Variants in KCNH7 observed in about 807,000 individuals in gnomAD.
KCNH7 encodes voltage-gated inwardly rectifying potassium channel KCNH7.
KCNH7 carries 49 observed loss-of-function variants against 120.8 expected under a neutral mutation model. The ratio of observed to expected loss-of-function variants is 0.41; its 90% CI spans 0.32 to 0.51. The LOEUF (loss-of-function observed/expected upper bound fraction) is 0.51, where lower values mean the gene tolerates loss of function less well. Ranked by LOEUF, KCNH7 falls within the 20% of genes least tolerant of loss-of-function variation. KCNH7 has a pLI of 0.38. For synonymous variants in KCNH7, 547 were observed against 516.1 expected (o/e 1.06, Z -0.81); for missense variants, 1,097 against 1,446.6 (o/e 0.76, Z 3.92).
At position 162,735,296 on chromosome 2, in the gene KCNH7, C is replaced by G. The variant is rs985548896; in HGVS notation, c.307+101241G>C. On this transcript the variant is annotated intron_variant, in intron 2 of 15. Transcript: ENST00000332142. ...AACTCTGAGGCAAAGGAAATTGAACCCTCTCCTTGTTCGGAGAGTGAAGCC... is the reference window on the plus strand; with the variant it reads ...AACTCTGAGGCAAAGGAAATTGAACGCTCTCCTTGTTCGGAGAGTGAAGCC... Among the ~76,000 whole-genome samples, 5 of 152,106 alleles carry G rather than the reference C, an allele frequency of 3.3e-5. 1 individual carries two copies. Among genetic ancestry groups the G allele is most frequent in the Middle Eastern group, 6.4e-3 (2 of 314 alleles).
chr2:162,621,856 A>G (rs1683374311), intron 2 of KCNH7, among the ~76,000 whole-genome samples: 1 of 152,194 alleles, frequency 6.6e-6, no homozygotes, highest in Non-Finnish European at 1.5e-5. Context: ...ATCTGTTTGC[A>G]TGATTCTCTG....
chr2:162,422,810 A>C (rs955149747), intron 9 of KCNH7, among the ~76,000 whole-genome samples: 5 of 152,126 alleles, frequency 3.3e-5, no homozygotes, highest in Non-Finnish European at 5.9e-5. Context: ...AGATTGTTTA[A>C]AATATAGAAA....
At chr2:162,626,309 CACA>C (rs1287789689) in intron 2 of KCNH7, among the ~76,000 whole-genome samples, 1 of 152,012 alleles carries the variant, frequency 6.6e-6, no homozygotes. Context: ...CTTATGTAAA[CACA>C]ACATCTTATA....
intron 2 of KCNH7, among the ~76,000 whole-genome samples, chr2:162,759,177 T>C (rs1392193964): frequency 1.3e-5 from 2 of 151,826 alleles, no homozygotes; most frequent in Non-Finnish European, 2.9e-5. Flanking sequence ...TTAACTGTAC[T>C]CTACGTAAAG....
intron 2 of KCNH7, among the ~76,000 whole-genome samples, chr2:162,577,327 ATCTG>A (rs10543608): frequency 0.089 from 12,168 of 137,334 alleles, 561 homozygotes; most frequent in Middle Eastern, 0.16. Context: ...CTATCTATCT[ATCTG>A]TCTATCATCT....
At chr2:162,674,883 A>G (rs577188481) in intron 2 of KCNH7, among the ~76,000 whole-genome samples, 1 of 151,824 alleles carries the variant, frequency 6.6e-6, no homozygotes, top group African/African-American at 2.4e-5. Flanking sequence ...TATCTTTATG[A>G]CCTTGCAATA....
chr2:162,514,651 G>T (rs1691219697), intron 4 of KCNH7, among the ~76,000 whole-genome samples: 1 of 151,292 alleles, frequency 6.6e-6, no homozygotes, highest in African/African-American at 2.4e-5. Flanking sequence ...AAACAATTGG[G>T]GTTTATATTT....
chr2:162,506,463 T>A (rs918249629), intron 5 of KCNH7, among the ~76,000 whole-genome samples: 1 of 151,862 alleles, frequency 6.6e-6, no homozygotes, highest in Non-Finnish European at 1.5e-5. Flanking sequence ...GATTTCAGAT[T>A]TCTTAGATAT....
intron 9 of KCNH7, among the ~76,000 whole-genome samples, chr2:162,422,604 A>G (rs1431313454): frequency 6.6e-6 from 1 of 152,150 alleles, no homozygotes; most frequent in South Asian, 2.1e-4. Context: ...TCTCCTAATA[A>G]TAAAAAGAGG....
At chr2:162,564,141 A>T (rs1379361144) in intron 2 of KCNH7, among the ~76,000 whole-genome samples, 1 of 152,086 alleles carries the variant, frequency 6.6e-6, no homozygotes, top group Non-Finnish European at 1.5e-5. Flanking sequence ...TATTTTTTTA[A>T]GTCACTGAAT....
intron 2 of KCNH7, among the ~76,000 whole-genome samples, chr2:162,767,574 C>T (rs1195267511): frequency 2.0e-5 from 3 of 151,948 alleles, no homozygotes; most frequent in East Asian, 1.9e-4. Flanking sequence ...AGTATACATC[C>T]GTTTTTTCCC....
intron 2 of KCNH7, chr2:162,538,090 T>C (rs1485713031): frequency 6.6e-6 from 1 of 152,096 alleles, no homozygotes; most frequent in Non-Finnish European, 1.5e-5. Context: ...ATGCCAAAAC[T>C]TCAGAAGGTG....
chr2:162,536,976 C>T lies in KCNH7; in HGVS notation c.412G>A (p.Ala138Thr), dbSNP rs373993891. The T allele has an allele frequency of 3.5e-5, 57 of 1,612,728 alleles. No individual in the cohort carries two copies. In the East Asian group the frequency reaches 4.5e-4, roughly 13 times the overall value. ...NFEYVTDNENAATPERVNPIL... is the reference protein window; with the variant it reads ...NFEYVTDNENTATPERVNPIL... ...GGGTTTACCCTCTCTGGGGTGGCAG[C>T]GTTTTCATTATCCGTCACATATTCA... The change falls in exon 3 of 16, where the codon GCT becomes ACT. Residue 138 changes from alanine (A) to threonine (T), a missense_variant. By Grantham distance (58) the Ala-to-Thr change is moderately conservative. Transcript: ENST00000332142.
intron 2 of KCNH7, among the ~76,000 whole-genome samples, chr2:162,542,321 T>A (rs1054828308): frequency 2.0e-5 from 3 of 151,000 alleles, no homozygotes; most frequent in East Asian, 3.9e-4. Context: ...ACATATGTAT[T>A]CATGTGCCAT....
At chr2:162,456,446 T>A (rs1688966661) in intron 6 of KCNH7, among the ~76,000 whole-genome samples, 2 of 152,168 alleles carry the variant, frequency 1.3e-5, no homozygotes, top group African/African-American at 4.8e-5. Flanking sequence ...GATTTTAGAA[T>A]AAGTGTCATG....
intron 6 of KCNH7, among the ~76,000 whole-genome samples, chr2:162,482,549 A>T (rs1223967462): frequency 4.6e-5 from 7 of 152,102 alleles, no homozygotes; most frequent in African/African-American, 1.7e-4. Context: ...TTACAATATA[A>T]AAGTTTTCTC....
intron 9 of KCNH7, among the ~76,000 whole-genome samples, chr2:162,422,825 AT>A (rs1189467660): frequency 6.6e-6 from 1 of 152,164 alleles, no homozygotes; most frequent in African/African-American, 2.4e-5. Flanking sequence ...TAGAAAAAAA[AT>A]TCTTAAAAGT....
chr2:162,518,618 T>G (rs1331272256), intron 3 of KCNH7, among the ~76,000 whole-genome samples: 1 of 151,536 alleles, frequency 6.6e-6, no homozygotes, highest in Non-Finnish European at 1.5e-5. Flanking sequence ...AGGAAGGAAG[T>G]GAGGTGAGGT....
rs754372322 is a variant in KCNH7 at position 162,400,298 on chromosome 2, T to G, written c.2298A>C (p.Ala766=). 8.7e-6 allele frequency: 14 copies of G among 1,612,298 alleles called. No homozygotes were observed. In the South Asian group the frequency reaches 1.5e-4, roughly 18 times the overall value. ...ALAMKFKTTH[A]PPGDTLVHCG... is the part of the protein sequence containing the mutation. Reference sequence around the variant, plus strand: ...AGTGAACGAGGGTGTCTCCTGGAGGTGCATGGGTGGTTTTGAACTTCATTG... The same window carrying G: ...AGTGAACGAGGGTGTCTCCTGGAGGGGCATGGGTGGTTTTGAACTTCATTG... Residue 766 remains alanine, a synonymous_variant, in exon 10 of 16, where the codon GCA becomes GCC. Coordinates refer to ENST00000332142, the MANE Select transcript of KCNH7 (RefSeq NM_033272.4).
Sources: allele counts gnomAD v4.1 joint callset (sites outside exome capture counted in the v4.1 genomes callset), GRCh38; gene constraint gnomAD v4.1.1; transcripts MANE v1.5; gene names NCBI Gene and HGNC (gene_info 2026-07-23, HGNC 2026-07-21).